Variants in TBP observed in about 807,000 individuals in gnomAD.
TBP encodes TATA-box-binding protein.
Under a neutral mutation model 46.2 loss-of-function variants are expected in TBP, and 12 were observed. That is an observed-to-expected ratio of 0.26 (90% CI 0.17 to 0.42). The LOEUF (loss-of-function observed/expected upper bound fraction) is 0.42, where lower values mean the gene tolerates loss of function less well. Ranked by LOEUF, TBP falls within the 10% of genes least tolerant of loss-of-function variation. The pLI is 1.00. For missense variants in TBP, 229 were observed against 403.1 expected, an observed-to-expected ratio of 0.57 and a Z score of 3.70; for synonymous variants, 157 against 148.3, an observed-to-expected ratio of 1.06 and a Z score of -0.42.
chr6:170,567,903 G>C (rs2115000350), intron 5 of TBP, among the ~76,000 whole-genome samples: 1 of 152,328 alleles, frequency 6.6e-6, no homozygotes, highest in African/African-American at 2.4e-5. Flanking sequence ...GGGAAAATTA[G>C]TGACATTAGC....
At chr6:170,567,792 C>G (rs1028835076) in intron 5 of TBP, among the ~76,000 whole-genome samples, 2 of 152,134 alleles carry the variant, frequency 1.3e-5, no homozygotes, top group Non-Finnish European at 2.9e-5. Flanking sequence ...ATGTCATTGC[C>G]TATATTCTCC....
chr6:170,569,856 T>C (rs1362994052), intron 6 of TBP, 77 bp downstream of exon 6: 4 of 1,364,900 alleles, frequency 2.9e-6, no homozygotes, highest in African/African-American at 2.9e-5. Context: ...ATAAAACACA[T>C]GCAAAATATT....
At chr6:170,558,843 G>A (rs1383049239) in intron 2 of TBP, among the ~76,000 whole-genome samples, 8 of 151,932 alleles carry the variant, frequency 5.3e-5, no homozygotes, top group South Asian at 2.1e-4. Context: ...ACAGGCATGC[G>A]CCACCACACC....
chr6:170,569,855 A>G, intron 6 of TBP, 76 bp downstream of exon 6: 1 of 1,368,854 alleles, frequency 7.3e-7, no homozygotes, highest in South Asian at 1.3e-5. Context: ...AATAAAACAC[A>G]TGCAAAATAT....
chr6:170,559,395 G>C (rs1409985812), intron 2 of TBP, among the ~76,000 whole-genome samples: 1 of 152,152 alleles, frequency 6.6e-6, no homozygotes, highest in African/African-American at 2.4e-5. Context: ...GAAATTAGAA[G>C]TGCTACTCCA....
intron 2 of TBP, among the ~76,000 whole-genome samples, chr6:170,561,043 G>A (rs1336157491): frequency 3.3e-5 from 5 of 152,124 alleles, no homozygotes; most frequent in African/African-American, 4.8e-5. Context: ...GGCAAACTTC[G>A]TCAGTCTTAT....
intron 5 of TBP, among the ~76,000 whole-genome samples, chr6:170,567,731 T>C (rs1017082931): frequency 2.0e-5 from 3 of 152,222 alleles, no homozygotes; most frequent in Admixed American, 2.0e-4. Context: ...CTAGCTTTCA[T>C]TAATAGTGTT....
chr6:170,572,151 C>T (rs768744129), intron 7 of TBP, 35 bp from the exon 8 acceptor site: 1 of 1,526,314 alleles, frequency 6.6e-7, no homozygotes, highest in South Asian at 1.1e-5. Context: ...AGTGCCATTT[C>T]AGTCTCTCAT....
intron 1 of TBP, among the ~76,000 whole-genome samples, chr6:170,556,533 G>A (rs186963920): frequency 6.6e-6 from 1 of 152,336 alleles, no homozygotes; most frequent in East Asian, 1.9e-4. Flanking sequence ...TGTGTATACA[G>A]TGCTTAGTGA....
intron 3 of TBP, among the ~76,000 whole-genome samples, chr6:170,563,578 T>C (rs1482279454): frequency 6.6e-6 from 1 of 152,204 alleles, no homozygotes; most frequent in Non-Finnish European, 1.5e-5. Context: ...ATAGATGATA[T>C]GGAAATGAAA....
chr6:170,554,536 G>C (rs923938779), intron 1 of TBP, 73 bp downstream of exon 1: 1 of 152,874 alleles, frequency 6.5e-6, no homozygotes, highest in Non-Finnish European at 1.5e-5. Flanking sequence ...GGCAATGGTG[G>C]GGAAGAGACT....
chr6:170,557,116 C>T (rs751439710), intron 2 of TBP, 33 bp downstream of exon 2: 92 of 1,593,474 alleles, frequency 5.8e-5, no homozygotes, highest in Non-Finnish European at 7.6e-5. Context: ...ATAGGGAGGG[C>T]GGAAATCTGA....
chr6:170,562,501 CGTT>C (rs1379010110), intron 3 of TBP, among the ~76,000 whole-genome samples: 1 of 152,134 alleles, frequency 6.6e-6, no homozygotes, highest in African/African-American at 2.4e-5. Context: ...CTTTCACTGT[CGTT>C]ATTATTATAT....
chr6:170,572,211 T>C lies in TBP; in HGVS notation c.966T>C (p.Tyr322=), dbSNP rs1453506327. 1 of 1,614,074 alleles carries C rather than the reference T, an allele frequency of 6.2e-7. No homozygotes were observed. The highest frequency in any genetic ancestry group is 2.2e-5 in the East Asian group (1 of 44,868). ...LTGAKVRAEI[Y]EAFENIYPIL... ...GTGCTAAAGTCAGAGCAGAAATTTA[T>C]GAAGCATTTGAAAACATCTACCCTA... The change falls in exon 8 of 8, where the codon TAT becomes TAC. Residue 322 remains tyrosine, a synonymous_variant. Transcript: ENST00000392092.
Position 170,561,877 on chromosome 6 carries a change from T to C in TBP, c.141T>C (p.Asn47=), listed in dbSNP as rs554594365. 3.7e-6 allele frequency: 6 copies of C among 1,613,760 alleles called. No individual in the cohort carries two copies. Among genetic ancestry groups the C allele is most frequent in the Non-Finnish European group, 5.1e-6 (6 of 1,179,990 alleles). The part of the protein sequence containing the change: ...GLTPQPIQNT[N]SLSILEEQQR... ...CCCCACAGCCTATTCAGAACACCAA[T>C]AGTCTGTCTATTTTGGAAGAGCAAC... is the stretch of plus-strand genomic sequence containing the variant. Residue 47 remains asparagine, a synonymous_variant, in exon 3 of 8, where the codon AAT becomes AAC. Transcript: ENST00000392092.
In TBP at chr6:170,567,028, T is replaced by C. The variant is rs1191521408; in HGVS notation, c.677+19T>C. 1.2e-6 allele frequency: 2 copies of C among 1,605,722 alleles called. No individual in the cohort carries two copies. Among genetic ancestry groups the C allele is most frequent in the South Asian group, 2.2e-5 (2 of 90,020 alleles). ...CCAAGAGGTAGCCGTAAGAAATTCA[T>C]TCTTCTGGTCTATGGGTTATGAATG... On this transcript the variant is annotated intron_variant, in intron 5 of 7. Transcript: ENST00000392092.
intron 4 of TBP, among the ~76,000 whole-genome samples, chr6:170,566,071 T>A (rs1244369837): frequency 6.6e-6 from 1 of 151,636 alleles, no homozygotes; most frequent in Non-Finnish European, 1.5e-5. Context: ...GAGACTCTTG[T>A]CTCTAAAAAA....
Position 170,561,773 on chromosome 6 carries a change from T to G in TBP, c.55-18T>G. ...AGCAGCAGCCAGCCTAACCTGTTTTTCTCCTTGCTTTCCACAGGGTGCCAT... is the reference window on the plus strand; with the variant it reads ...AGCAGCAGCCAGCCTAACCTGTTTTGCTCCTTGCTTTCCACAGGGTGCCAT... On this transcript the variant is annotated intron_variant, in intron 2 of 7. Coordinates refer to ENST00000392092, the MANE Select transcript of TBP (RefSeq NM_003194.5). The G allele has an allele frequency of 6.2e-7, 1 of 1,602,338 alleles. No individual in the cohort carries two copies. The highest frequency in any genetic ancestry group is 8.5e-7 in the Non-Finnish European group (1 of 1,171,146).
intron 2 of TBP, among the ~76,000 whole-genome samples, chr6:170,558,505 C>A (rs1463960417): frequency 1.3e-5 from 2 of 152,152 alleles, no homozygotes; most frequent in Non-Finnish European, 2.9e-5. Context: ...TACTGCACTT[C>A]ACTTTACTGC....
Sources: gnomAD v4.1 joint callset for allele counts (sites outside exome capture counted in the v4.1 genomes callset) on GRCh38, gnomAD v4.1.1 for gene constraint, MANE v1.5 for transcripts, NCBI Gene and HGNC (gene_info 2026-07-23, HGNC 2026-07-21) for gene names.